Variants in MYO1D observed in about 807,000 individuals in gnomAD.
The protein encoded by MYO1D is unconventional myosin-Id.
A neutral mutation model predicts 122.0 loss-of-function variants in MYO1D; 83 were observed. The ratio of observed to expected loss-of-function variants is 0.68; its 90% CI spans 0.57 to 0.82. MYO1D has a LOEUF of 0.82. MYO1D is among the 40% of genes least tolerant of loss of function. The pLI is 0.00. For synonymous variants in MYO1D, 464 were observed against 446.9 expected, an observed-to-expected ratio of 1.04 and a Z score of -0.48; for missense variants, 1,157 against 1,269.5, an observed-to-expected ratio of 0.91 and a Z score of 1.35.
At chr17:32,676,754 G>A (rs182394448) in intron 16 of MYO1D, among the ~76,000 whole-genome samples, 5 of 152,144 alleles carry the variant, frequency 3.3e-5, no homozygotes, top group Admixed American at 3.3e-4. Context: ...AGTTTGAATT[G>A]CATTTTCTGT....
Position 32,721,049 on chromosome 17 carries a change from G to A in MYO1D, c.1887C>T (p.Arg629=). ...VRVRRAGFAF[R]QTYEKFLHRY... ...TGTGAAGAAACTTCTCGTATGTCTG[G>A]CGGAAGGCAAATCCTGCCCGACGCA... Residue 629 remains arginine, a synonymous_variant, in exon 15 of 22, where the codon CGC becomes CGT. Transcript: ENST00000318217. 6.2e-7 allele frequency: 1 copy of A among 1,614,116 alleles called. No homozygotes were observed. The highest frequency in any genetic ancestry group is 1.1e-5 in the South Asian group (1 of 91,068).
chr17:32,623,800 C>T (rs2087885294), intron 20 of MYO1D, among the ~76,000 whole-genome samples: 1 of 152,146 alleles, frequency 6.6e-6, no homozygotes, highest in South Asian at 2.1e-4. Context: ...GGCCCTCGTC[C>T]AGGTTGCAGA....
rs754108442 is a variant in MYO1D, at chr17:32,670,541, C to G, written c.2122-11203G>C. Reference sequence around the variant, plus strand: ...CCCTGGTGCGACCTTACCTTCAAGCCAAAAACAGCTTAAAGCCTGAAGTCC... The same window carrying G: ...CCCTGGTGCGACCTTACCTTCAAGCGAAAAACAGCTTAAAGCCTGAAGTCC... On this transcript the variant is annotated intron_variant, in intron 16 of 21. Transcript: ENST00000318217. Among the ~76,000 whole-genome samples the G allele has an allele frequency of 2.0e-4, 30 of 152,078 alleles. 2 individuals are homozygous for G. The highest frequency in any genetic ancestry group is 2.5e-4 in the Non-Finnish European group (17 of 68,030).
At chr17:32,543,930 C>A (rs1242967867) in intron 21 of MYO1D, among the ~76,000 whole-genome samples, 1 of 152,066 alleles carries the variant, frequency 6.6e-6, no homozygotes, top group Non-Finnish European at 1.5e-5. Flanking sequence ...GTAGCTGGGA[C>A]TATAGGCGTG....
chr17:32,773,794 G>A (rs187526259), intron 4 of MYO1D, among the ~76,000 whole-genome samples: 130 of 152,160 alleles, frequency 8.5e-4, no homozygotes, highest in African/African-American at 2.9e-3. Context: ...CATCCTACAA[G>A]GTCTAGACAA....
chr17:32,562,504 ATAGGG>A (rs1567891044), intron 21 of MYO1D, among the ~76,000 whole-genome samples: 2 of 151,460 alleles, frequency 1.3e-5, no homozygotes, highest in African/African-American at 4.9e-5. Context: ...TTTTTTTGAG[ATAGGG>A]TCTTGCTCTG....
intron 19 of MYO1D, among the ~76,000 whole-genome samples, chr17:32,644,820 T>C (rs551075213): frequency 7.2e-5 from 11 of 152,346 alleles, no homozygotes; most frequent in African/African-American, 2.6e-4. Context: ...ACATGTAAGA[T>C]GGGTTTCTTG....
At chr17:32,849,377 G>A (rs1462520479) in intron 1 of MYO1D, among the ~76,000 whole-genome samples, 2 of 147,674 alleles carry the variant, frequency 1.4e-5, no homozygotes, top group African/African-American at 5.2e-5. Context: ...TATGTTTATT[G>A]CAGCATTATT....
intron 21 of MYO1D, among the ~76,000 whole-genome samples, chr17:32,532,723 CA>C (rs71144833): frequency 0.43 from 42,247 of 99,182 alleles, 5,891 homozygotes; most frequent in Middle Eastern, 0.56. Context: ...GACTCCGTCT[CA>C]AAAAAAAAAA....
intron 21 of MYO1D, among the ~76,000 whole-genome samples, chr17:32,560,543 A>ATATATATATATATATG (rs2087111864): frequency 1.4e-5 from 1 of 73,254 alleles, no homozygotes; most frequent in Non-Finnish European, 2.8e-5. Context: ...ATATATATAT[A>ATATATATATATATATG]TATATATATA....
chr17:32,564,455 G>A (rs1205732902), intron 21 of MYO1D, among the ~76,000 whole-genome samples: 1 of 152,180 alleles, frequency 6.6e-6, no homozygotes. Context: ...TTTACAGTCA[G>A]TGCTGGAGCA....
intron 19 of MYO1D, among the ~76,000 whole-genome samples, chr17:32,653,234 T>C (rs916855948): frequency 6.6e-6 from 1 of 151,570 alleles, no homozygotes; most frequent in Non-Finnish European, 1.5e-5. Context: ...CTATGAAAGA[T>C]ACACATGCAG....
At chr17:32,615,244 G>C (rs2087756413) in intron 20 of MYO1D, among the ~76,000 whole-genome samples, 1 of 152,202 alleles carries the variant, frequency 6.6e-6, no homozygotes, top group South Asian at 2.1e-4. Flanking sequence ...ACTGTTGGGG[G>C]AATCATGGCA....
At chr17:32,649,491 T>C (rs1465491861) in intron 19 of MYO1D, among the ~76,000 whole-genome samples, 4 of 152,096 alleles carry the variant, frequency 2.6e-5, no homozygotes, top group African/African-American at 9.7e-5. Flanking sequence ...TAGTATAATA[T>C]CAACGTTCAC....
At chr17:32,523,016 C>T (rs1043734918) in intron 21 of MYO1D, among the ~76,000 whole-genome samples, 3 of 152,146 alleles carry the variant, frequency 2.0e-5, no homozygotes, top group South Asian at 2.1e-4. Flanking sequence ...GGGGTTTCAC[C>T]ATGTTAGCCA....
intron 16 of MYO1D, among the ~76,000 whole-genome samples, chr17:32,673,257 C>A (rs2088750578): frequency 6.6e-6 from 1 of 151,460 alleles, no homozygotes; most frequent in African/African-American, 2.4e-5. Context: ...GCACGTGCTA[C>A]CACACCTGGC....
chr17:32,521,303 A>G (rs1362247229), intron 21 of MYO1D, among the ~76,000 whole-genome samples: 2 of 152,186 alleles, frequency 1.3e-5, no homozygotes, highest in African/African-American at 2.4e-5. Context: ...TAGGGAAGAG[A>G]AGGCTCAAAA....
intron 1 of MYO1D, among the ~76,000 whole-genome samples, chr17:32,864,336 G>T (rs2091105802): frequency 6.6e-6 from 1 of 151,642 alleles, no homozygotes; most frequent in African/African-American, 2.4e-5. Context: ...CCCTAGATTT[G>T]CTGTGTAAAG....
In MYO1D at chr17:32,625,581, G is replaced by A. The variant is rs147594382; in HGVS notation, c.2709+13141C>T. Among the ~76,000 whole-genome samples the A allele has an allele frequency of 2.6e-3, 391 of 151,108 alleles. 2 individuals carry two copies. Among genetic ancestry groups the A allele is most frequent in the Admixed American group, 5.5e-3 (84 of 15,222 alleles). On this transcript the variant is annotated intron_variant, in intron 20 of 21. Coordinates refer to ENST00000318217, the MANE Select transcript of MYO1D (RefSeq NM_015194.3). The stretch of plus-strand genomic sequence containing the variant: ...ATTTTTTTTTTTTAAATAGGGTCTC[G>A]CTCTATTGCCCAGGCTGGAGTGCAA...
Sources: gnomAD v4.1 joint callset for allele counts (sites outside exome capture counted in the v4.1 genomes callset) on GRCh38, gnomAD v4.1.1 for gene constraint, MANE v1.5 for transcripts, NCBI Gene and HGNC (gene_info 2026-07-23, HGNC 2026-07-21) for gene names.